ATP9B: variants seen among roughly 807,000 people sequenced by gnomAD.
The protein encoded by ATP9B is probable phospholipid-transporting ATPase IIB.
A neutral mutation model predicts 146.1 loss-of-function variants in ATP9B; 110 were observed. The ratio of observed to expected loss-of-function variants is 0.75; its 90% confidence interval spans 0.65 to 0.88. The LOEUF is 0.88. Among genes scored for constraint, ATP9B ranks in the 40% least tolerant of loss-of-function variants. The pLI, the probability that ATP9B is intolerant of heterozygous loss-of-function variation, is 0.00. For synonymous variants in ATP9B, 604 were observed against 569.7 expected (o/e 1.06, Z -0.86); for missense variants, 1,499 against 1,496.4 (o/e 1.00, Z -0.03).
chr18:79,120,280 A>G (rs762470322), intron 4 of ATP9B, among the ~76,000 whole-genome samples: 1 of 152,212 alleles, frequency 6.6e-6, no homozygotes, highest in African/African-American at 2.4e-5. Context: ...CTTCTAGCCA[A>G]AATCCTGCCT....
chr18:79,339,646 A>G (rs552992150), intron 19 of ATP9B, among the ~76,000 whole-genome samples: 1 of 149,686 alleles, frequency 6.7e-6, no homozygotes, highest in African/African-American at 2.5e-5. Flanking sequence ...AGGCTGTATC[A>G]TATCTGACTG....
At chr18:79,217,096 C>T (rs116765309) in intron 11 of ATP9B, among the ~76,000 whole-genome samples, 15 of 152,364 alleles carry the variant, frequency 9.8e-5, no homozygotes, top group African/African-American at 2.6e-4. Context: ...GGCATGGAGC[C>T]GTGACACGTC....
rs770413722 is a variant in ATP9B at position 79,143,867 on chromosome 18, G to A, written c.726+7G>A. ...CCTCATCATAGTGGAAAAGGTTGAT[G>A]ATTTTTTAATATATTTTAGACCTAT... On this transcript the variant is annotated splice_region_variant and intron_variant, in intron 6 of 29. Transcript: ENST00000426216. 3 of 1,552,054 alleles carry A rather than the reference G, an allele frequency of 1.9e-6. No individual in the cohort carries two copies. The African/African-American group carries it at 4.1e-5, about 21-fold the overall frequency.
At chr18:79,124,474 G>A (rs2094247133) in intron 4 of ATP9B, among the ~76,000 whole-genome samples, 1 of 152,254 alleles carries the variant, frequency 6.6e-6, no homozygotes, top group African/African-American at 2.4e-5. Flanking sequence ...GCCGTGCCAT[G>A]CCTGCCTTCT....
rs1347261045 is a variant in ATP9B at position 79,336,532 on chromosome 18, G to C, written c.2029-96G>C. ...AAGGTGGGCACAGGACATGAGGGCA[G>C]GGCACCAGCAATCAGAGTGTGGCAC... On this transcript the variant is annotated intron_variant, in intron 17 of 29. Coordinates refer to ENST00000426216, the MANE Select transcript of ATP9B (RefSeq NM_198531.5). 2.4e-5 allele frequency: 27 copies of C among 1,122,104 alleles called. 1 individual carries two copies. The South Asian group carries it at 3.6e-4, about 15-fold the overall frequency. The allele number at this position is 1,122,104 out of a possible 1,614,324, so 69.5% of individuals were successfully genotyped here.
rs369216444 is a variant in ATP9B at position 79,143,864 on chromosome 18, G to A, written c.726+4G>A. On this transcript the variant is annotated splice_donor_region_variant and intron_variant, in intron 6 of 29. Coordinates refer to ENST00000426216, the MANE Select transcript of ATP9B (RefSeq NM_198531.5). ...AGACCTCATCATAGTGGAAAAGGTT[G>A]ATGATTTTTTAATATATTTTAGACC... is the stretch of plus-strand genomic sequence containing the variant. The A allele has an allele frequency of 1.7e-5, 26 of 1,559,288 alleles. No homozygotes were observed. The highest frequency in any genetic ancestry group is 1.2e-5 in the South Asian group (1 of 82,748).
Position 79,375,412 on chromosome 18 carries a change from T to G in ATP9B, c.3293T>G (p.Phe1098Cys), listed in dbSNP as rs947451606. 3 of 1,613,010 alleles carry G rather than the reference T, an allele frequency of 1.9e-6. No homozygotes were observed. In the African/African-American group the frequency reaches 4.0e-5, roughly 22 times the overall value. ...NEYFGIGRVSFGAFLDVAFIT... is the reference protein window; with the variant it reads ...NEYFGIGRVSCGAFLDVAFIT... ...GGAACAGGTATAGGCAGAGTGTCTT[T>G]TGGAGCTTTCTTAGGTAGGTAAAGT... Residue 1098 changes from phenylalanine to cysteine, a missense_variant, in exon 29 of 30, where the codon TTT (phenylalanine) becomes TGT (cysteine). Phe to Cys is a radical substitution (Grantham distance 205, BLOSUM62 -2). Coordinates refer to ENST00000426216, the MANE Select transcript of ATP9B (RefSeq NM_198531.5).
chr18:79,262,658 T>C (rs1313982895), intron 12 of ATP9B, among the ~76,000 whole-genome samples: 1 of 152,246 alleles, frequency 6.6e-6, no homozygotes, highest in Non-Finnish European at 1.5e-5. Flanking sequence ...ACCTGGTTAA[T>C]ACTGCTTTTG....
chr18:79,277,854 CTAAAAA>C (rs2096330749), intron 13 of ATP9B, among the ~76,000 whole-genome samples: 1 of 151,980 alleles, frequency 6.6e-6, no homozygotes, highest in Non-Finnish European at 1.5e-5. Context: ...TCTTAGTGAA[CTAAAAA>C]TAAAAGAATA....
intron 13 of ATP9B, among the ~76,000 whole-genome samples, chr18:79,293,931 C>T (rs1296722776): frequency 6.6e-6 from 1 of 152,094 alleles, no homozygotes; most frequent in Non-Finnish European, 1.5e-5. Flanking sequence ...ATCTGGTCTC[C>T]AGTATTTTCA....
At chr18:79,290,002 T>A (rs1024119809) in intron 13 of ATP9B, among the ~76,000 whole-genome samples, 2 of 152,242 alleles carry the variant, frequency 1.3e-5, no homozygotes, top group South Asian at 4.2e-4. Flanking sequence ...CCCGGCTGTG[T>A]GAGGTGTCAG....
intron 7 of ATP9B, among the ~76,000 whole-genome samples, chr18:79,162,878 G>C (rs756854729): frequency 6.6e-6 from 1 of 152,140 alleles, no homozygotes; most frequent in Non-Finnish European, 1.5e-5. Flanking sequence ...ACAGACTCGT[G>C]CTCCGACGGT....
intron 12 of ATP9B, among the ~76,000 whole-genome samples, chr18:79,261,984 G>C (rs1298760960): frequency 2.6e-5 from 4 of 152,096 alleles, no homozygotes; most frequent in African/African-American, 4.8e-5. Context: ...GCTTTTGGGA[G>C]GTGTTGTGAT....
intron 4 of ATP9B, among the ~76,000 whole-genome samples, chr18:79,118,399 T>TG (rs1029291736): frequency 7.1e-5 from 9 of 126,064 alleles, no homozygotes; most frequent in Middle Eastern, 4.0e-3. Context: ...TGTTTTTTTT[T>TG]TTTTTTTTTT....
intron 13 of ATP9B, among the ~76,000 whole-genome samples, chr18:79,283,246 G>A (rs1156978105): frequency 6.6e-6 from 1 of 152,194 alleles, no homozygotes; most frequent in Non-Finnish European, 1.5e-5. Context: ...CTGTAACTGT[G>A]GATGGTTGTT....
chr18:79,085,959 A>G (rs913365966), intron 1 of ATP9B: 1 of 152,128 alleles, frequency 6.6e-6, no homozygotes, highest in South Asian at 2.1e-4. Context: ...GATAATTATG[A>G]TAGTCTAATA....
intron 1 of ATP9B, among the ~76,000 whole-genome samples, chr18:79,079,786 C>T (rs1381276566): frequency 1.3e-5 from 2 of 152,132 alleles, no homozygotes; most frequent in African/African-American, 2.4e-5. Context: ...TTAGGTCTTA[C>T]GTTTACGTCT....
At chr18:79,075,728 T>C (rs1388188071) in intron 1 of ATP9B, among the ~76,000 whole-genome samples, 1 of 152,216 alleles carries the variant, frequency 6.6e-6, no homozygotes, top group African/African-American at 2.4e-5. Context: ...TACGGTTGGT[T>C]CTTTTTTTTT....
intron 7 of ATP9B, among the ~76,000 whole-genome samples, chr18:79,163,869 T>TACACACACACACACACAC (rs56408063): frequency 0.011 from 1,538 of 142,736 alleles, 12 homozygotes; most frequent in Non-Finnish European, 0.015. Flanking sequence ...TTTTATTTTA[T>TACACACACACACACACAC]ACACACACAC....
Sources: gnomAD v4.1 joint callset for allele counts (sites outside exome capture counted in the v4.1 genomes callset) on GRCh38, gnomAD v4.1.1 for gene constraint, MANE v1.5 for transcripts, NCBI Gene and HGNC (gene_info 2026-07-23, HGNC 2026-07-21) for gene names.